Variants in GLG1 observed in about 807,000 individuals in gnomAD.
The protein encoded by GLG1 is golgi glycoprotein 1, also known as Golgi apparatus protein 1.
A neutral mutation model predicts 160.5 loss-of-function variants in GLG1; 38 were observed. That is an observed-to-expected ratio of 0.24 (90% CI 0.18 to 0.31). The LOEUF (loss-of-function observed/expected upper bound fraction) is 0.31. Among genes scored for constraint, GLG1 ranks in the 10% least tolerant of loss-of-function variants. The pLI is 1.00. For synonymous variants in GLG1, 644 were observed against 543.4 expected (o/e 1.19, Z -2.57); for missense variants, 1,373 against 1,505.2 (o/e 0.91, Z 1.45).
chr16:74,542,905 T>C (rs71391100), intron 1 of GLG1, among the ~76,000 whole-genome samples: 1 of 152,222 alleles, frequency 6.6e-6, no homozygotes, highest in African/African-American at 2.4e-5. Flanking sequence ...CAGCTCATAC[T>C]ACCAATCCAA....
chr16:74,473,470 C>T (rs1597238931), intron 13 of GLG1, among the ~76,000 whole-genome samples: 3 of 124,808 alleles, frequency 2.4e-5, no homozygotes, highest in East Asian at 2.3e-4. Flanking sequence ...CATAGAGTCT[C>T]GCTCTGTTGC....
intron 1 of GLG1, among the ~76,000 whole-genome samples, chr16:74,538,280 C>G (rs1227501127): frequency 6.6e-6 from 1 of 150,992 alleles, no homozygotes; most frequent in Non-Finnish European, 1.5e-5. Flanking sequence ...TGGAGACACT[C>G]TGCTGCAGTA....
chr16:74,560,752 A>C (rs1476478095), intron 1 of GLG1, among the ~76,000 whole-genome samples: 3 of 152,048 alleles, frequency 2.0e-5, no homozygotes, highest in Non-Finnish European at 4.4e-5. Context: ...AGGCTGAGGC[A>C]GGAGGATCTC....
chr16:74,451,393 G>C lies in GLG1; in HGVS notation c.*1774C>G, dbSNP rs1038371538. ...CTGCCTCCAGGAAGGGCAGCAAATA[G>C]AAAAAAAAGAAAGAAAACCACAGTA... On this transcript the variant is annotated 3_prime_UTR_variant, in exon 26 of 26. Coordinates refer to ENST00000422840, the MANE Select transcript of GLG1 (RefSeq NM_001145667.2). 15 of 151,868 alleles carry C rather than the reference G, an allele frequency of 9.9e-5. 2 individuals carry two copies. Among genetic ancestry groups the C allele is most frequent in the East Asian group, 1.9e-4 (1 of 5,164 alleles). The allele number at this position is 151,868 out of a possible 1,614,324, so 9.4% of individuals were successfully genotyped here.
chr16:74,463,599 G>T, intron 19 of GLG1, 120 bp from the exon 20 acceptor site: 1 of 931,444 alleles, frequency 1.1e-6, no homozygotes, highest in Non-Finnish European at 1.6e-6. Context: ...GAGTGCAGTG[G>T]CGCAATTCGG....
chr16:74,588,165 C>T (rs2143848549), intron 1 of GLG1, among the ~76,000 whole-genome samples: 1 of 151,980 alleles, frequency 6.6e-6, no homozygotes. Context: ...ATTTAACCTA[C>T]ATAAGATTAG....
At chr16:74,563,867 G>C (rs1454186745) in intron 1 of GLG1, among the ~76,000 whole-genome samples, 1 of 152,164 alleles carries the variant, frequency 6.6e-6, no homozygotes, top group Non-Finnish European at 1.5e-5. Flanking sequence ...CTGGATAACA[G>C]AATTGCTCAA....
At chr16:74,571,973 C>G (rs2018839874) in intron 1 of GLG1, among the ~76,000 whole-genome samples, 1 of 152,118 alleles carries the variant, frequency 6.6e-6, no homozygotes. Context: ...TAACTAAAAG[C>G]CTTGGAGTCT....
chr16:74,452,291 T>C lies in GLG1; in HGVS notation c.*876A>G, dbSNP rs7978. On this transcript the variant is annotated 3_prime_UTR_variant, in exon 26 of 26. Transcript: ENST00000422840. ...AGCCTCAGCAGGGCCGGTCCAGACA[T>C]GGCTGAGTCCTGTGCTGCCCTGGAG... The C allele has an allele frequency of 0.46, 670,713 of 1,446,314 alleles. 158,958 individuals carry two copies. Among genetic ancestry groups the C allele is most frequent in the Admixed American group, 0.53 (21,336 of 40,552 alleles). 89.6% of individuals were successfully genotyped at this position (1,446,314 alleles called of 1,614,324 possible). A position where few individuals can be genotyped will look rare whatever the true frequency, so the allele number is the denominator to read the frequency against.
chr16:74,551,482 T>TA (rs1246483375), intron 1 of GLG1, among the ~76,000 whole-genome samples: 3 of 149,340 alleles, frequency 2.0e-5, no homozygotes, highest in Non-Finnish European at 4.5e-5. Flanking sequence ...TTTTTTTTTT[T>TA]TTTTTTTAAT....
rs539958462 is a variant in GLG1 at position 74,556,679 on chromosome 16, ATTATTATTTTT to A, written c.439-24537_439-24527del. On this transcript the variant is annotated intron_variant, in intron 1 of 25. Transcript: ENST00000422840. ...AACCTGGGTGGCAGGTTGGAATAATATTATTATTTTTTTATTATTTTATATATACATAATTT... is the reference window on the plus strand; with the variant it reads ...AACCTGGGTGGCAGGTTGGAATAATATTATTATTTTATATATACATAATTT... Among the ~76,000 whole-genome samples the A allele has an allele frequency of 2.9e-3, 437 of 150,900 alleles. 2 individuals carry two copies. The highest frequency in any genetic ancestry group is 0.017 in the Middle Eastern group (5 of 290).
chr16:74,501,982 C>T lies in GLG1; in HGVS notation c.774+1549G>A, dbSNP rs531184859. Among the ~76,000 whole-genome samples the T allele has an allele frequency of 5.9e-5, 9 of 152,298 alleles. No individual in the cohort carries two copies. The East Asian group carries it at 1.7e-3, about 29-fold the overall frequency. ...CCCTGTGCTCATATTAAGGAAAGGG[C>T]ATCAGGGCTTTGGTGACAGCCAGAC... On this transcript the variant is annotated intron_variant, in intron 4 of 25. Transcript: ENST00000422840.
chr16:74,586,551 T>C (rs1958058343), intron 1 of GLG1, among the ~76,000 whole-genome samples: 1 of 152,108 alleles, frequency 6.6e-6, no homozygotes, highest in Non-Finnish European at 1.5e-5. Context: ...CATAACTCAC[T>C]GCAGCCTCAA....
At chr16:74,576,704 G>T (rs1597365011) in intron 1 of GLG1, among the ~76,000 whole-genome samples, 1 of 152,192 alleles carries the variant, frequency 6.6e-6, no homozygotes, top group African/African-American at 2.4e-5. Context: ...AGAAATTAGA[G>T]AACAAATCTA....
chr16:74,498,920 C>CT (rs1263930828), intron 4 of GLG1, among the ~76,000 whole-genome samples: 2 of 142,598 alleles, frequency 1.4e-5, no homozygotes, highest in African/African-American at 5.1e-5. Context: ...GTAACATCTA[C>CT]TTCAGACAAA....
chr16:74,510,374 A>G (rs2016765365), intron 2 of GLG1, among the ~76,000 whole-genome samples: 1 of 152,252 alleles, frequency 6.6e-6, no homozygotes, highest in East Asian at 1.9e-4. Flanking sequence ...ATGTTACACT[A>G]GAAAATATCT....
chr16:74,468,226 CTTTTTTTTTTTTTTT>C (rs201829157), intron 17 of GLG1: 48 of 83,320 alleles, frequency 5.8e-4, no homozygotes, highest in East Asian at 8.0e-4. Context: ...CTTGAAATGT[CTTTTTTTTTTTTTTT>C]TTTTTTTTTT....
rs1043733214 is a variant in GLG1 at position 74,453,925 on chromosome 16, G to A, written c.3373-591C>T. ...AGTCTTACTGTTACCCAGGCATTGT[G>A]CAGTGGCATGATGTCAGCTCACCAC... is the stretch of plus-strand genomic sequence containing the variant. On this transcript the variant is annotated intron_variant, in intron 25 of 25. Transcript: ENST00000422840. 4.1e-5 allele frequency among the ~76,000 whole-genome samples: 6 copies of A among 145,400 alleles called. No individual in the cohort carries two copies. The South Asian group carries it at 1.3e-3, about 32-fold the overall frequency.
chr16:74,557,376 A>C (rs976492501), intron 1 of GLG1, among the ~76,000 whole-genome samples: 5 of 152,200 alleles, frequency 3.3e-5, no homozygotes, highest in African/African-American at 1.2e-4. Flanking sequence ...ATAGCAAAAT[A>C]GGCAAGAAGC....
Sources: gnomAD v4.1 joint callset for allele counts (sites outside exome capture counted in the v4.1 genomes callset) on GRCh38, gnomAD v4.1.1 for gene constraint, MANE v1.5 for transcripts, NCBI Gene and HGNC (gene_info 2026-07-23, HGNC 2026-07-21) for gene names.